RNF145: variants seen among roughly 807,000 people sequenced by gnomAD.
RNF145 encodes ring finger protein 145.
A neutral mutation model predicts 57.3 loss-of-function variants in RNF145; 12 were observed. The observed-to-expected ratio is 0.21, with a 90% CI of 0.13 to 0.34. The LOEUF is 0.34. RNF145 is among the 10% of genes least tolerant of loss of function. RNF145 has a pLI of 1.00. For synonymous variants in RNF145, 262 were observed against 288.3 expected (o/e 0.91, Z 0.92); for missense variants, 429 against 799.0 (o/e 0.54, Z 5.58).
At chr5:159,159,110 G>T in intron 10 of RNF145, 75 bp from the exon 11 acceptor site, 1 of 1,359,202 alleles carries the variant, frequency 7.4e-7, no homozygotes. Context: ...CAAAGTTCTG[G>T]TTCTAACATC....
Position 159,162,476 on chromosome 5 carries a change from G to A in RNF145, c.1269+456C>T, listed in dbSNP as rs554788306. Among the ~76,000 whole-genome samples, 14 of 142,358 alleles carry A rather than the reference G, an allele frequency of 9.8e-5. No individual in the cohort carries two copies. The South Asian group carries it at 1.3e-3, about 13-fold the overall frequency. 93.4% of individuals were successfully genotyped at this position (142,358 alleles called of 152,430 possible). On this transcript the variant is annotated intron_variant, in intron 9 of 10. Transcript: ENST00000424310. ...GGAGTCTCGCTCTGTCGCCCAGGCC[G>A]GACTGCGGACTGCAGTGGCGCAATC...
At chr5:159,163,896 T>C (rs1049893703) in intron 8 of RNF145, among the ~76,000 whole-genome samples, 10 of 152,310 alleles carry the variant, frequency 6.6e-5, no homozygotes, top group African/African-American at 2.2e-4. Flanking sequence ...TCCATTTCTC[T>C]AAACCCTTTA....
chr5:159,189,131 A>G (rs1404725641), intron 3 of RNF145, among the ~76,000 whole-genome samples: 1 of 152,232 alleles, frequency 6.6e-6, no homozygotes, highest in African/African-American at 2.4e-5. Context: ...TGCAAATCAT[A>G]GATCTGATAA....
intron 2 of RNF145, among the ~76,000 whole-genome samples, chr5:159,197,715 C>G (rs1396650623): frequency 6.6e-6 from 1 of 152,200 alleles, no homozygotes; most frequent in Non-Finnish European, 1.5e-5. Flanking sequence ...CCATAACAAA[C>G]TAAGTTGACA....
upstream of RNF145, chr5:159,209,989 A>C (rs1786056504): frequency 2.4e-6 from 3 of 1,253,710 alleles, no homozygotes; most frequent in East Asian, 2.5e-5. Context: ...GGGATGGCTC[A>C]GCCGTGCCCA....
Position 159,191,192 on chromosome 5 carries a change from G to C in RNF145, c.293+3524C>G, listed in dbSNP as rs77536022. On this transcript the variant is annotated intron_variant, in intron 3 of 10. Coordinates refer to ENST00000424310, the MANE Select transcript of RNF145 (RefSeq NM_001199383.2). ...CACACGCAGCCCAGGAGTTGGACAA[G>C]CTTAGTCTACAATTTCAAAGAAGTA... Among the ~76,000 whole-genome samples, 310 of 152,174 alleles carry C rather than the reference G, an allele frequency of 2.0e-3. 7 individuals carry two copies. The East Asian group carries it at 0.055, about 27-fold the overall frequency.
intron 3 of RNF145, among the ~76,000 whole-genome samples, chr5:159,191,054 CA>C (rs1785272655): frequency 7.2e-6 from 1 of 138,506 alleles, no homozygotes; most frequent in African/African-American, 2.7e-5. Context: ...TTGGGCCACA[CA>C]TAAAACACAC....
intron 6 of RNF145, among the ~76,000 whole-genome samples, chr5:159,172,111 C>T (rs937799607): frequency 6.6e-6 from 1 of 152,184 alleles, no homozygotes; most frequent in African/African-American, 2.4e-5. Flanking sequence ...TAAAGCACCA[C>T]CAATTCAGTC....
In RNF145 at chr5:159,209,496, C is replaced by T; in HGVS notation, c.-305G>A. The T allele has an allele frequency of 1.1e-6, 1 of 925,434 alleles. No individual in the cohort carries two copies. The highest frequency in any genetic ancestry group is 1.2e-6 in the Non-Finnish European group (1 of 807,422). 57.3% of individuals were successfully genotyped at this position (925,434 alleles called of 1,614,324 possible). A position where few individuals can be genotyped will look rare whatever the true frequency, so the allele number is the denominator to read the frequency against. ...GCGGGCCGAGCCCCTTAGCAGCCGG[C>T]GCCGGCGTCGGCGGCCATGGCCTCC... On this transcript the variant is annotated 5_prime_UTR_variant, in exon 1 of 11. Coordinates refer to ENST00000424310, the MANE Select transcript of RNF145 (RefSeq NM_001199383.2).
chr5:159,180,309 T>A (rs1331171613), intron 4 of RNF145, among the ~76,000 whole-genome samples: 1 of 152,082 alleles, frequency 6.6e-6, no homozygotes, highest in East Asian at 1.9e-4. Context: ...CACCCTCAAC[T>A]GGCCATTTTT....
chr5:159,200,125 C>T lies in RNF145; in HGVS notation c.184+3309G>A, dbSNP rs140372700. On this transcript the variant is annotated intron_variant, in intron 2 of 10. Coordinates refer to ENST00000424310, the MANE Select transcript of RNF145 (RefSeq NM_001199383.2). The stretch of plus-strand genomic sequence containing the variant: ...GGGCAACACAGCAAGAACCCATCCT[C>T]CCCACCTGCCCCCAAAATTAGTAAT... 5.4e-3 allele frequency among the ~76,000 whole-genome samples: 819 copies of T among 152,188 alleles called. 9 individuals carry two copies. The highest frequency in any genetic ancestry group is 0.019 in the African/African-American group (776 of 41,538).
intron 1 of RNF145, chr5:159,207,977 A>C (rs1785958972): frequency 6.3e-7 from 1 of 1,578,882 alleles, no homozygotes; most frequent in Non-Finnish European, 8.6e-7. Context: ...AAAACTGCAC[A>C]CTCCGTATTT....
At chr5:159,193,077 C>T (rs1158807736) in intron 3 of RNF145, among the ~76,000 whole-genome samples, 1 of 152,156 alleles carries the variant, frequency 6.6e-6, no homozygotes, top group African/African-American at 2.4e-5. Flanking sequence ...AGTATTGGTG[C>T]TTGGACTCCT....
At chr5:159,198,536 T>C (rs1785541372) in intron 2 of RNF145, among the ~76,000 whole-genome samples, 2 of 152,070 alleles carry the variant, frequency 1.3e-5, no homozygotes, top group African/African-American at 4.8e-5. Context: ...GGGTGACTAG[T>C]TGAGAACAAG....
chr5:159,203,784 A>G, intron 1 of RNF145, 128 bp from the exon 2 acceptor site: 1 of 617,818 alleles, frequency 1.6e-6, no homozygotes, highest in South Asian at 2.1e-5. Flanking sequence ...ACTACTTCTC[A>G]GCCACAACTA....
chr5:159,165,057 T>A (rs1784347715), intron 8 of RNF145, among the ~76,000 whole-genome samples: 1 of 152,232 alleles, frequency 6.6e-6, no homozygotes, highest in Non-Finnish European at 1.5e-5. Flanking sequence ...ATTGAATTCA[T>A]CACAATCCTT....
chr5:159,208,159 GAAC>G (rs1413718299), intron 1 of RNF145: 59 of 1,408,522 alleles, frequency 4.2e-5, no homozygotes, highest in Non-Finnish European at 5.1e-5. Flanking sequence ...AGATGCGTTT[GAAC>G]TACAGTAACC....
intron 3 of RNF145, among the ~76,000 whole-genome samples, chr5:159,193,941 A>G (rs1391178891): frequency 6.6e-6 from 1 of 152,202 alleles, no homozygotes; most frequent in African/African-American, 2.4e-5. Context: ...TACCTCCAAA[A>G]TATATTCCAA....
intron 1 of RNF145, chr5:159,207,715 C>T: frequency 2.5e-6 from 4 of 1,612,550 alleles, no homozygotes; most frequent in South Asian, 1.1e-5. Flanking sequence ...ATAGCTGGTC[C>T]TCCCCACTCC....
Sources: gnomAD v4.1 joint callset for allele counts (sites outside exome capture counted in the v4.1 genomes callset) on GRCh38, gnomAD v4.1.1 for gene constraint, MANE v1.5 for transcripts, NCBI Gene and HGNC (gene_info 2026-07-23, HGNC 2026-07-21) for gene names.